The following FNIP2 variants were observed in gnomAD, a reference collection of about 807,000 sequenced individuals.
FNIP2 encodes folliculin-interacting protein 2.
In FNIP2, 32 loss-of-function variants were observed where a neutral mutation model predicts 108.7. The ratio of observed to expected loss-of-function variants is 0.29; its 90% CI spans 0.22 to 0.40. FNIP2 has a LOEUF of 0.40. Ranked by LOEUF, FNIP2 falls within the 10% of genes least tolerant of loss-of-function variation. FNIP2 has a pLI of 1.00. For synonymous variants in FNIP2, 480 were observed against 496.7 expected, an observed-to-expected ratio of 0.97 and a Z score of 0.45; for missense variants, 1,202 against 1,381.6, an observed-to-expected ratio of 0.87 and a Z score of 2.06.
chr4:158,859,244 A>G lies in FNIP2; in HGVS notation c.1045A>G (p.Ser349Gly). 6.2e-7 allele frequency: 1 copy of G among 1,607,246 alleles called. No homozygotes were observed. Residue 349 changes from serine to glycine, a missense_variant, in exon 9 of 17, where the codon AGT (serine) becomes GGT (glycine). This residue lies in a region of FNIP2 where 878 missense variants were observed against 990.3 expected (regional missense o/e 0.89). Transcript: ENST00000264433. ...LFESHMNRLK[S>G]AIEKAMISCR... ...TGAATCTCACATGAACAGGCTGAAG[A>G]GTGCAATTGAAAAGGTAATAAGGAT...
intron 1 of FNIP2, among the ~76,000 whole-genome samples, chr4:158,812,259 C>G (rs1290541685): frequency 6.6e-6 from 1 of 152,132 alleles, no homozygotes; most frequent in Non-Finnish European, 1.5e-5. Context: ...GGGAACATTC[C>G]CCTCTGTCAG....
At chr4:158,872,205 C>A (rs1479817436) in intron 14 of FNIP2, 2 of 985,394 alleles carry the variant, frequency 2.0e-6, no homozygotes, top group African/African-American at 1.7e-5. Context: ...ACTCACTGAC[C>A]ACTCTGGAAA....
Position 158,880,307 on chromosome 4 carries a change from G to A in FNIP2, c.2949+9838G>A, listed in dbSNP as rs1781514973. On this transcript the variant is annotated intron_variant, in intron 14 of 16. Transcript: ENST00000264433. ...TGTCCTTTGTAGGGACATGGATGAAGCTGGAAACCATCATTCTCAGCAAAC... is the reference window on the plus strand; with the variant it reads ...TGTCCTTTGTAGGGACATGGATGAAACTGGAAACCATCATTCTCAGCAAAC... Among the ~76,000 whole-genome samples the A allele has an allele frequency of 3.3e-5, 5 of 152,268 alleles. No homozygotes were observed. In the South Asian group the frequency reaches 1.0e-3, roughly 32 times the overall value.
intron 10 of FNIP2, 75 bp from the exon 11 acceptor site, chr4:158,861,267 T>G: frequency 6.7e-7 from 1 of 1,481,592 alleles, no homozygotes. Context: ...GTTTTCTCCT[T>G]TATTCTTTTA....
In FNIP2 at chr4:158,869,160, G is replaced by A. The variant is rs1298753524; in HGVS notation, c.2524G>A (p.Val842Met). The change falls in exon 13 of 17, where the codon GTG (valine) becomes ATG (methionine). Residue 842 changes from valine (V) to methionine (M), a missense_variant. Val to Met is a conservative substitution (Grantham distance 21). Coordinates refer to ENST00000264433, the MANE Select transcript of FNIP2 (RefSeq NM_020840.3). ...RRLEATRGLY[V>M]KAAEGPVLEP... Reference sequence around the variant, plus strand: ...GCTGGAGGCCACTAGAGGTTTGTATGTGAAGGCTGCGGAAGGACCTGTGCT... The same window carrying A: ...GCTGGAGGCCACTAGAGGTTTGTATATGAAGGCTGCGGAAGGACCTGTGCT... 2.5e-6 allele frequency: 4 copies of A among 1,613,948 alleles called. No individual in the cohort carries two copies. Among genetic ancestry groups the A allele is most frequent in the Non-Finnish European group, 3.4e-6 (4 of 1,179,914 alleles).
intron 14 of FNIP2, among the ~76,000 whole-genome samples, chr4:158,888,781 A>G (rs1782143465): frequency 6.6e-6 from 1 of 151,854 alleles, no homozygotes; most frequent in East Asian, 1.9e-4. Context: ...CCAGCTACCC[A>G]GGAGACATGA....
intron 13 of FNIP2, among the ~76,000 whole-genome samples, chr4:158,870,087 A>G (rs1289566651): frequency 6.6e-6 from 1 of 152,206 alleles, no homozygotes; most frequent in African/African-American, 2.4e-5. Context: ...ATGAGGTACA[A>G]AAACAAACTC....
intron 1 of FNIP2, among the ~76,000 whole-genome samples, chr4:158,815,528 G>A (rs1048570826): frequency 6.6e-6 from 1 of 151,926 alleles, no homozygotes; most frequent in Admixed American, 6.6e-5. Flanking sequence ...GACTACAGGC[G>A]CCCGCCACCA....
intron 14 of FNIP2, among the ~76,000 whole-genome samples, chr4:158,877,947 AC>A (rs929475230): frequency 2.5e-5 from 3 of 119,910 alleles, no homozygotes; most frequent in Non-Finnish European, 3.5e-5. Context: ...CTCCTCCCCC[AC>A]CCCCCCTCAC....
chr4:158,881,221 G>A (rs4691521), intron 14 of FNIP2, among the ~76,000 whole-genome samples: 71,512 of 143,870 alleles, frequency 0.5, 18,786 homozygotes, highest in East Asian at 0.83. Context: ...CTCTTTCCAC[G>A]GTCTCCCTCT....
chr4:158,800,468 T>C (rs1776724073), intron 1 of FNIP2, among the ~76,000 whole-genome samples: 1 of 152,234 alleles, frequency 6.6e-6, no homozygotes, highest in African/African-American at 2.4e-5. Context: ...TCCTTTCAGC[T>C]GTCAGAAATT....
At chr4:158,851,592 CA>C in intron 8 of FNIP2, 142 bp downstream of exon 8, 1 of 1,068,084 alleles carries the variant, frequency 9.4e-7, no homozygotes. Flanking sequence ...TGAAAGTTTA[CA>C]AATTGGAAGT....
chr4:158,898,679 G>A (rs1782916319), intron 16 of FNIP2, among the ~76,000 whole-genome samples: 1 of 152,222 alleles, frequency 6.6e-6, no homozygotes, highest in Non-Finnish European at 1.5e-5. Context: ...TTTGCACATT[G>A]ATTTTGTATC....
intron 3 of FNIP2, among the ~76,000 whole-genome samples, chr4:158,830,244 C>G (rs915307518): frequency 1.6e-5 from 2 of 128,344 alleles, no homozygotes; most frequent in African/African-American, 5.8e-5. Flanking sequence ...ATAGATTTAT[C>G]TTTCTTTTTT....
intron 1 of FNIP2, among the ~76,000 whole-genome samples, chr4:158,775,058 C>T (rs1775815164): frequency 6.6e-6 from 1 of 152,050 alleles, no homozygotes; most frequent in Admixed American, 6.6e-5. Context: ...GTAAGGTCAG[C>T]CTAAGGAAGC....
chr4:158,838,897 T>C (rs925491097), intron 7 of FNIP2, among the ~76,000 whole-genome samples: 2 of 152,200 alleles, frequency 1.3e-5, no homozygotes, highest in Non-Finnish European at 2.9e-5. Context: ...GGAGTACTGG[T>C]TAGGTATTTT....
rs1207419068 is a variant in FNIP2 at position 158,907,795 on chromosome 4, G to A, written c.*3251G>A. ...CCCCTCTGAATGTTAATTTTTAAAT[G>A]TCAAAATATGATGAACGATATATCT... On this transcript the variant is annotated 3_prime_UTR_variant, in exon 17 of 17. Transcript: ENST00000264433. The A allele has an allele frequency of 6.6e-6, 1 of 152,106 alleles. No homozygotes were observed. The highest frequency in any genetic ancestry group is 1.5e-5 in the Non-Finnish European group (1 of 68,010). The allele number at this position is 152,106 out of a possible 1,614,324, so 9.4% of individuals were successfully genotyped here. A position where few individuals can be genotyped will look rare whatever the true frequency, so the allele number is the denominator to read the frequency against.
At chr4:158,789,823 G>GCC (rs1776345798) in intron 1 of FNIP2, among the ~76,000 whole-genome samples, 3 of 21,640 alleles carry the variant, frequency 1.4e-4, no homozygotes. Flanking sequence ...AAGGGTTGTG[G>GCC]TAGCCTGGCA....
At chr4:158,818,654 G>A (rs1777708790) in intron 1 of FNIP2, among the ~76,000 whole-genome samples, 1 of 152,130 alleles carries the variant, frequency 6.6e-6, no homozygotes, top group African/African-American at 2.4e-5. Context: ...GCATCTTTCT[G>A]ATTTCTAAAA....
Sources: gnomAD v4.1 joint callset for allele counts (sites outside exome capture counted in the v4.1 genomes callset) on GRCh38, gnomAD v4.1.1 for gene constraint, gnomAD v4.1.1 regional missense constraint, MANE v1.5 for transcripts, NCBI Gene and HGNC (gene_info 2026-07-23, HGNC 2026-07-21) for gene names.